RBFOX1: variants seen among roughly 807,000 people sequenced by gnomAD.
The protein encoded by RBFOX1 is RNA binding protein fox-1 homolog 1.
Under a neutral mutation model 57.7 loss-of-function variants are expected in RBFOX1, and 8 were observed. The ratio of observed to expected loss-of-function variants is 0.14; its 90% CI spans 0.08 to 0.25. The LOEUF (loss-of-function observed/expected upper bound fraction) is 0.25, where lower values mean the gene tolerates loss of function less well. Ranked by LOEUF, RBFOX1 falls within the 10% of genes least tolerant of loss-of-function variation. The probability of loss-of-function intolerance (pLI) is 1.00; values close to 1 mark genes in which losing one functional copy is unlikely to be tolerated. For synonymous variants in RBFOX1, 326 were observed against 222.4 expected, an observed-to-expected ratio of 1.47 and a Z score of -4.15; for missense variants, 611 against 548.5, an observed-to-expected ratio of 1.11 and a Z score of -1.14.
chr16:6,093,542 C>A (rs956664521), intron 1 of RBFOX1, among the ~76,000 whole-genome samples: 3 of 152,154 alleles, frequency 2.0e-5, no homozygotes, highest in African/African-American at 7.2e-5. Context: ...CAACTTTAAT[C>A]TTGTCTACAA....
chr16:6,934,284 G>A (rs774486143), intron 3 of RBFOX1, among the ~76,000 whole-genome samples: 4 of 152,118 alleles, frequency 2.6e-5, no homozygotes, highest in South Asian at 2.1e-4. Context: ...AAGTTGCTGC[G>A]CTTGGGATTT....
At chr16:7,556,949 C>G (rs1601738579) in intron 5 of RBFOX1, among the ~76,000 whole-genome samples, 1 of 152,116 alleles carries the variant, frequency 6.6e-6, no homozygotes, top group East Asian at 1.9e-4. Context: ...AGGATTTCTC[C>G]CAAATGCCTC....
intron 11 of RBFOX1, among the ~76,000 whole-genome samples, chr16:7,645,324 T>A (rs1313699391): frequency 3.9e-5 from 6 of 152,168 alleles, no homozygotes; most frequent in Non-Finnish European, 8.8e-5. Context: ...GTCAATTTCC[T>A]CGTGCCATGT....
chr16:5,289,033 G>C (rs1424531251), intron 1 of RBFOX1, among the ~76,000 whole-genome samples: 1 of 152,222 alleles, frequency 6.6e-6, no homozygotes, highest in Non-Finnish European at 1.5e-5. Flanking sequence ...GCTGAGGCAG[G>C]GGAATCGCTT....
At chr16:6,675,254 C>T (rs752252462) in intron 3 of RBFOX1, among the ~76,000 whole-genome samples, 2 of 152,166 alleles carry the variant, frequency 1.3e-5, no homozygotes, top group African/African-American at 4.8e-5. Context: ...TTGCACCATC[C>T]CTAGGGAACT....
chr16:7,452,882 A>AT (rs1277176149), intron 4 of RBFOX1, among the ~76,000 whole-genome samples: 3 of 152,148 alleles, frequency 2.0e-5, no homozygotes, highest in African/African-American at 7.2e-5. Context: ...GAATCCCAGC[A>AT]TTTTGGGAGG....
intron 3 of RBFOX1, among the ~76,000 whole-genome samples, chr16:6,658,475 G>A (rs1289709582): frequency 6.6e-6 from 1 of 152,060 alleles, no homozygotes; most frequent in African/African-American, 2.4e-5. Context: ...CCAAAGTGCT[G>A]GGATTACAGG....
chr16:6,771,704 A>T (rs1037074424), intron 3 of RBFOX1, among the ~76,000 whole-genome samples: 1 of 152,216 alleles, frequency 6.6e-6, no homozygotes, highest in East Asian at 1.9e-4. Flanking sequence ...GCAAGGCACT[A>T]TAATGCTACT....
At chr16:7,336,400 T>A (rs545829793) in intron 4 of RBFOX1, among the ~76,000 whole-genome samples, 1 of 152,352 alleles carries the variant, frequency 6.6e-6, no homozygotes, top group South Asian at 2.1e-4. Flanking sequence ...GACAAATCGT[T>A]CCCATTTCAT....
intron 2 of RBFOX1, among the ~76,000 whole-genome samples, chr16:5,490,578 C>A (rs1240345019): frequency 6.6e-6 from 1 of 152,184 alleles, no homozygotes; most frequent in Admixed American, 6.5e-5. Flanking sequence ...ATGGTGCTGG[C>A]CGAGGGCGGG....
At chr16:5,477,193 A>G (rs1007489490) in intron 2 of RBFOX1, among the ~76,000 whole-genome samples, 5 of 152,062 alleles carry the variant, frequency 3.3e-5, no homozygotes, top group African/African-American at 9.7e-5. Context: ...TTTAAAAATT[A>G]TTTGTAGAGA....
intron 2 of RBFOX1, among the ~76,000 whole-genome samples, chr16:5,595,106 A>G (rs2047139784): frequency 6.6e-6 from 1 of 152,054 alleles, no homozygotes; most frequent in Non-Finnish European, 1.5e-5. Context: ...AGATCCTGCC[A>G]CTGCACTCTA....
intron 4 of RBFOX1, among the ~76,000 whole-genome samples, chr16:5,905,944 G>C (rs554236749): frequency 3.3e-5 from 5 of 152,186 alleles, no homozygotes; most frequent in Admixed American, 6.5e-5. Flanking sequence ...CTCTCTTGTA[G>C]TGGGAATTGG....
At chr16:6,043,120 GAAAAAAAAAAAAAAAAAAAAAAAA>G (rs570358262) in intron 1 of RBFOX1, among the ~76,000 whole-genome samples, 24 of 70,232 alleles carry the variant, frequency 3.4e-4, no homozygotes, top group South Asian at 5.4e-4. Flanking sequence ...TGTGTTTCCA[GAAAAAAAAAAAAAAAAAAAAAAAA>G]AAAAAAAAAA....
chr16:6,132,974 A>AAAAAAG (rs71142682), intron 1 of RBFOX1, among the ~76,000 whole-genome samples: 11,334 of 147,938 alleles, frequency 0.077, 740 homozygotes, highest in African/African-American at 0.16. Context: ...CAAAAAAAAA[A>AAAAAAG]AAAAGAAAAG....
At chr16:6,800,930 T>C (rs2085286838) in intron 3 of RBFOX1, among the ~76,000 whole-genome samples, 1 of 152,152 alleles carries the variant, frequency 6.6e-6, no homozygotes, top group Non-Finnish European at 1.5e-5. Context: ...GCTATCCGTC[T>C]TGCCCCTGTT....
chr16:7,657,216 G>A (rs938307811), intron 12 of RBFOX1, among the ~76,000 whole-genome samples: 6 of 152,144 alleles, frequency 3.9e-5, no homozygotes, highest in Non-Finnish European at 5.9e-5. Flanking sequence ...TACCTTTATG[G>A]AAGCTTGGGT....
At chr16:7,690,217 A>G (rs943031012) in intron 14 of RBFOX1, among the ~76,000 whole-genome samples, 7 of 152,126 alleles carry the variant, frequency 4.6e-5, no homozygotes, top group African/African-American at 1.4e-4. Flanking sequence ...AATGGGCCCT[A>G]TCACTGGCAC....
At chr16:7,344,099 T>C (rs950340373) in intron 4 of RBFOX1, among the ~76,000 whole-genome samples, 12 of 141,632 alleles carry the variant, frequency 8.5e-5, no homozygotes. Flanking sequence ...ATCTCAGCTT[T>C]ACTTTTTTTT....
Sources: gnomAD v4.1 joint callset for allele counts (sites outside exome capture counted in the v4.1 genomes callset) on GRCh38, gnomAD v4.1.1 for gene constraint, MANE v1.5 for transcripts, NCBI Gene and HGNC (gene_info 2026-07-23, HGNC 2026-07-21) for gene names.